Variants in IQGAP2 observed in about 807,000 individuals in gnomAD.
IQGAP2 encodes ras GTPase-activating-like protein IQGAP2.
A neutral mutation model predicts 201.3 loss-of-function variants in IQGAP2; 173 were observed. That is an observed-to-expected ratio of 0.86 (90% CI 0.76 to 0.98). The LOEUF is 0.98. Ranked by LOEUF, IQGAP2 falls within the 50% of genes least tolerant of loss-of-function variation. The probability of loss-of-function intolerance (pLI) is 0.00; values close to 1 mark genes in which losing one functional copy is unlikely to be tolerated. For synonymous variants in IQGAP2, 675 were observed against 673.9 expected, an observed-to-expected ratio of 1.00 and a Z score of -0.03; for missense variants, 1,687 against 1,864.8, an observed-to-expected ratio of 0.90 and a Z score of 1.76.
At chr5:76,681,638 G>T (rs991808384) in intron 28 of IQGAP2, among the ~76,000 whole-genome samples, 1 of 152,058 alleles carries the variant, frequency 6.6e-6, no homozygotes, top group African/African-American at 2.4e-5. Flanking sequence ...ATGGAAACAG[G>T]ATGGTCTTTC....
chr5:76,521,497 T>G (rs1758682011), intron 2 of IQGAP2, among the ~76,000 whole-genome samples: 1 of 152,212 alleles, frequency 6.6e-6, no homozygotes, highest in Admixed American at 6.5e-5. Flanking sequence ...AATTCTGTCT[T>G]TATAAAACTC....
At chr5:76,677,158 G>A in intron 27 of IQGAP2, 60 bp from the exon 28 acceptor site, 1 of 1,508,876 alleles carries the variant, frequency 6.6e-7, no homozygotes, top group Non-Finnish European at 9.0e-7. Context: ...TAGCTATTTT[G>A]ATGAAACTGT....
chr5:76,676,497 G>A (rs1162343859), intron 27 of IQGAP2, among the ~76,000 whole-genome samples: 1 of 152,160 alleles, frequency 6.6e-6, no homozygotes, highest in African/African-American at 2.4e-5. Context: ...CAACTTTATA[G>A]AATAAAATGT....
intron 3 of IQGAP2, among the ~76,000 whole-genome samples, chr5:76,567,456 A>T (rs917045723): frequency 2.0e-5 from 3 of 152,246 alleles, no homozygotes; most frequent in Non-Finnish European, 4.4e-5. Context: ...TAATAACAAC[A>T]GTATCTGCCT....
At chr5:76,430,985 A>G (rs1002473355) in intron 1 of IQGAP2, among the ~76,000 whole-genome samples, 6 of 152,204 alleles carry the variant, frequency 3.9e-5, no homozygotes, top group Non-Finnish European at 7.3e-5. Flanking sequence ...ATATGTAATT[A>G]TATAAGAATA....
intron 1 of IQGAP2, among the ~76,000 whole-genome samples, chr5:76,458,259 A>G (rs566377256): frequency 6.6e-6 from 1 of 152,212 alleles, no homozygotes; most frequent in Non-Finnish European, 1.5e-5. Context: ...GAGGGTGATC[A>G]TGAGAACCAC....
chr5:76,573,324 A>G (rs147426923), intron 4 of IQGAP2, among the ~76,000 whole-genome samples: 1 of 152,330 alleles, frequency 6.6e-6, no homozygotes, highest in African/African-American at 2.4e-5. Flanking sequence ...TTGCAGGGGC[A>G]AGAGACTGTA....
At chr5:76,602,624 C>T (rs979956897) in intron 11 of IQGAP2, among the ~76,000 whole-genome samples, 1 of 151,824 alleles carries the variant, frequency 6.6e-6, no homozygotes, top group Non-Finnish European at 1.5e-5. Context: ...TCTGGAAGAC[C>T]CAGTACTGAC....
chr5:76,570,330 C>T (rs1364589800), intron 3 of IQGAP2, among the ~76,000 whole-genome samples: 1 of 152,166 alleles, frequency 6.6e-6, no homozygotes, highest in Non-Finnish European at 1.5e-5. Context: ...ATTAAACAGT[C>T]TTGGAGATTC....
At chr5:76,688,554 C>G (rs1183130634) in intron 30 of IQGAP2, among the ~76,000 whole-genome samples, 1 of 152,116 alleles carries the variant, frequency 6.6e-6, no homozygotes. Flanking sequence ...TCCAGAATTC[C>G]AAACCTTTTG....
intron 21 of IQGAP2, among the ~76,000 whole-genome samples, chr5:76,664,564 T>C (rs1291771624): frequency 3.3e-5 from 5 of 152,080 alleles, no homozygotes; most frequent in Non-Finnish European, 7.4e-5. Context: ...GTGCCTGTAG[T>C]TCCAGCTACT....
rs571030560 is a variant in IQGAP2, at chr5:76,632,217, C to T, written c.1780+191C>T. 1.5e-3 allele frequency among the ~76,000 whole-genome samples: 227 copies of T among 152,166 alleles called. 1 individual carries two copies. Among genetic ancestry groups the T allele is most frequent in the African/African-American group, 5.3e-3 (220 of 41,514 alleles). ...TAGTTTTAGAAAGCTATGATGAGCTCAGTGGCAATATATGGATGGCATTAA... is the reference window on the plus strand; with the variant it reads ...TAGTTTTAGAAAGCTATGATGAGCTTAGTGGCAATATATGGATGGCATTAA... On this transcript the variant is annotated intron_variant, in intron 15 of 35. Coordinates refer to ENST00000274364, the MANE Select transcript of IQGAP2 (RefSeq NM_006633.5).
intron 1 of IQGAP2, among the ~76,000 whole-genome samples, chr5:76,437,763 A>T (rs2150100088): frequency 6.6e-6 from 1 of 152,128 alleles, no homozygotes; most frequent in African/African-American, 2.4e-5. Flanking sequence ...CATTTTCTTT[A>T]TCCAGTCTAT....
chr5:76,431,193 T>C (rs1020880299), intron 1 of IQGAP2, among the ~76,000 whole-genome samples: 2 of 152,096 alleles, frequency 1.3e-5, no homozygotes, highest in Non-Finnish European at 2.9e-5. Flanking sequence ...AACCCACTTC[T>C]CACTCTATAG....
intron 1 of IQGAP2, among the ~76,000 whole-genome samples, chr5:76,409,241 C>CTTTTTTTT (rs35574851): frequency 8.8e-5 from 7 of 79,368 alleles, no homozygotes; most frequent in East Asian, 4.2e-4. Flanking sequence ...AATACATGGG[C>CTTTTTTTT]TTTTTTTTTT....
chr5:76,565,673 A>C (rs533153069), intron 3 of IQGAP2, among the ~76,000 whole-genome samples: 236 of 152,324 alleles, frequency 1.5e-3, no homozygotes, highest in African/African-American at 5.3e-3. Context: ...GGTCTTATCC[A>C]CAGTAGGAAC....
chr5:76,542,224 G>T (rs1348492576), intron 2 of IQGAP2, among the ~76,000 whole-genome samples: 1 of 152,246 alleles, frequency 6.6e-6, no homozygotes, highest in Non-Finnish European at 1.5e-5. Context: ...GCCTCCCAAA[G>T]TGTTGGGATT....
chr5:76,618,245 G>A, intron 13 of IQGAP2: 1 of 1,614,210 alleles, frequency 6.2e-7, no homozygotes, highest in Non-Finnish European at 8.5e-7. Context: ...TGTTCCCATT[G>A]AGATGATAAG....
chr5:76,650,245 A>T (rs1226905300), intron 17 of IQGAP2, among the ~76,000 whole-genome samples: 1 of 152,206 alleles, frequency 6.6e-6, no homozygotes, highest in Non-Finnish European at 1.5e-5. Flanking sequence ...TCTTTATATA[A>T]GTTTGTATTT....
Sources: allele counts gnomAD v4.1 joint callset (sites outside exome capture counted in the v4.1 genomes callset), GRCh38; gene constraint gnomAD v4.1.1; transcripts MANE v1.5; gene names NCBI Gene and HGNC (gene_info 2026-07-23, HGNC 2026-07-21).